The following PLD1 variants were observed in gnomAD, a reference collection of about 807,000 sequenced individuals.
PLD1 encodes the protein phospholipase D1.
Under a neutral mutation model 137.1 loss-of-function variants are expected in PLD1, and 112 were observed. That is an observed-to-expected ratio of 0.82 (90% confidence interval 0.70 to 0.96). The LOEUF is 0.96. Among genes scored for constraint, PLD1 ranks in the 40% least tolerant of loss-of-function variants. PLD1 has a pLI of 0.00. For synonymous variants in PLD1, 431 were observed against 454.7 expected, an observed-to-expected ratio of 0.95 and a Z score of 0.66; for missense variants, 1,321 against 1,342.0, an observed-to-expected ratio of 0.98 and a Z score of 0.24.
intron 23 of PLD1, among the ~76,000 whole-genome samples, chr3:171,640,627 C>T (rs1344854938): frequency 6.6e-6 from 1 of 152,226 alleles, no homozygotes; most frequent in Non-Finnish European, 1.5e-5. Flanking sequence ...CATGCTCAGG[C>T]ATGCAGTTTA....
At chr3:171,795,255 C>T (rs926978990) in intron 1 of PLD1, among the ~76,000 whole-genome samples, 2 of 152,204 alleles carry the variant, frequency 1.3e-5, no homozygotes, top group African/African-American at 4.8e-5. Context: ...ATGTGTCGCC[C>T]ATGGGAACCT....
chr3:171,786,585 A>G (rs890774866), intron 1 of PLD1, among the ~76,000 whole-genome samples: 1 of 152,214 alleles, frequency 6.6e-6, no homozygotes, highest in African/African-American at 2.4e-5. Flanking sequence ...TATTTTTATC[A>G]TAATTGAATA....
At chr3:171,662,420 C>A (rs137909537) in intron 19 of PLD1, among the ~76,000 whole-genome samples, 1 of 152,096 alleles carries the variant, frequency 6.6e-6, no homozygotes, top group Non-Finnish European at 1.5e-5. Context: ...CCTGAATATA[C>A]CCTCTTTCAT....
At chr3:171,613,508 C>T (rs1732852916) in intron 24 of PLD1, among the ~76,000 whole-genome samples, 1 of 152,152 alleles carries the variant, frequency 6.6e-6, no homozygotes, top group Non-Finnish European at 1.5e-5. Flanking sequence ...CTCAAGAGTA[C>T]CTTCATAATT....
At chr3:171,790,666 C>T (rs1354950401) in intron 1 of PLD1, among the ~76,000 whole-genome samples, 2 of 152,164 alleles carry the variant, frequency 1.3e-5, no homozygotes, top group Non-Finnish European at 2.9e-5. Flanking sequence ...AGCTGGCATG[C>T]TCCTCTTCCT....
chr3:171,709,662 C>G lies in PLD1; in HGVS notation c.959G>C (p.Gly320Ala). ...CTGGATGAATTCTTCTATAGCCCCT[C>G]CCCACCACCGAGCATGTCTATAGCT... ...CNSYRHARWW[G>A]GAIEEFIQKH... The change falls in exon 10 of 27, where the codon GGA (glycine) becomes GCA (alanine). Residue 320 changes from glycine to alanine, a missense_variant. Physicochemically the swap from Gly to Ala is moderately conservative, Grantham distance 60. Transcript: ENST00000351298. 1 of 1,613,976 alleles carries G rather than the reference C, an allele frequency of 6.2e-7. No homozygotes were observed. The highest frequency in any genetic ancestry group is 2.2e-5 in the East Asian group (1 of 44,866).
chr3:171,700,766 T>G (rs1339947785), intron 11 of PLD1, among the ~76,000 whole-genome samples: 1 of 152,180 alleles, frequency 6.6e-6, no homozygotes, highest in Non-Finnish European at 1.5e-5. Context: ...TTTCCTAGGC[T>G]CTTCTCCTTC....
At chr3:171,808,029 C>T (rs28882228) in intron 1 of PLD1, among the ~76,000 whole-genome samples, 1 of 152,088 alleles carries the variant, frequency 6.6e-6, no homozygotes, top group African/African-American at 2.4e-5. Context: ...ACATTGGGTA[C>T]TTATGGATAT....
At chr3:171,703,470 A>G (rs1050387805) in intron 11 of PLD1, among the ~76,000 whole-genome samples, 5 of 152,244 alleles carry the variant, frequency 3.3e-5, no homozygotes, top group African/African-American at 1.2e-4. Context: ...CAGCACTAAT[A>G]AATTAATTTA....
At chr3:171,657,068 G>T (rs959740516) in intron 21 of PLD1, among the ~76,000 whole-genome samples, 5 of 152,164 alleles carry the variant, frequency 3.3e-5, no homozygotes, top group African/African-American at 1.2e-4. Flanking sequence ...AAAGATTTAG[G>T]CTCAAAGCTG....
At chr3:171,761,724 A>C (rs981391830) in intron 1 of PLD1, among the ~76,000 whole-genome samples, 3 of 152,164 alleles carry the variant, frequency 2.0e-5, no homozygotes, top group African/African-American at 7.2e-5. Context: ...AATGACCAGC[A>C]CCTGGGCTCA....
At chr3:171,760,162 C>T (rs1042984124) in intron 1 of PLD1, among the ~76,000 whole-genome samples, 3 of 152,102 alleles carry the variant, frequency 2.0e-5, no homozygotes, top group Non-Finnish European at 2.9e-5. Flanking sequence ...TTTTACAGAT[C>T]TACACTTCCT....
chr3:171,603,375 ATTCC>A, intron 26 of PLD1, 73 bp from the exon 27 acceptor site: 1 of 995,602 alleles, frequency 1.0e-6, no homozygotes. Flanking sequence ...GAAAATAATT[ATTCC>A]AACAGACAAG....
At chr3:171,787,617 A>C (rs968780660) in intron 1 of PLD1, among the ~76,000 whole-genome samples, 4 of 152,202 alleles carry the variant, frequency 2.6e-5, no homozygotes, top group Non-Finnish European at 4.4e-5. Context: ...TACCCAGAAA[A>C]TAAAATTCAG....
chr3:171,744,713 G>C lies in PLD1; in HGVS notation c.-31-6631C>G, dbSNP rs181013758. On this transcript the variant is annotated intron_variant, in intron 1 of 26. Coordinates refer to ENST00000351298, the MANE Select transcript of PLD1 (RefSeq NM_002662.5). ...AAAAACACATCTATAATGACATAAAGCAAAATGGTTACATAGCTCTTAAAA... is the reference window on the plus strand; with the variant it reads ...AAAAACACATCTATAATGACATAAACCAAAATGGTTACATAGCTCTTAAAA... Among the ~76,000 whole-genome samples, 690 of 152,220 alleles carry C rather than the reference G, an allele frequency of 4.5e-3. 3 individuals carry two copies. The highest frequency in any genetic ancestry group is 6.6e-3 in the South Asian group (32 of 4,820).
intron 1 of PLD1, among the ~76,000 whole-genome samples, chr3:171,783,703 T>C (rs188325845): frequency 3.3e-5 from 5 of 152,256 alleles, no homozygotes; most frequent in Admixed American, 1.3e-4. Context: ...AGTACAGTAG[T>C]ACAATCACGG....
intron 21 of PLD1, among the ~76,000 whole-genome samples, chr3:171,648,086 T>C (rs1011139721): frequency 1.3e-5 from 2 of 152,190 alleles, no homozygotes; most frequent in Non-Finnish European, 2.9e-5. Flanking sequence ...TTCCATGGTA[T>C]GTACATATCA....
chr3:171,651,805 T>C (rs1049306078), intron 21 of PLD1, among the ~76,000 whole-genome samples: 2 of 152,174 alleles, frequency 1.3e-5, no homozygotes, highest in Non-Finnish European at 2.9e-5. Context: ...GTTCCCACTA[T>C]GGCCCAGACG....
intron 6 of PLD1, among the ~76,000 whole-genome samples, chr3:171,727,955 T>G (rs1718664264): frequency 6.6e-6 from 1 of 152,216 alleles, no homozygotes; most frequent in Admixed American, 6.5e-5. Context: ...CTTAAATATC[T>G]TTTTAAAATC....
Sources: allele counts gnomAD v4.1 joint callset (sites outside exome capture counted in the v4.1 genomes callset), GRCh38; gene constraint gnomAD v4.1.1; transcripts MANE v1.5; gene names NCBI Gene and HGNC (gene_info 2026-07-23, HGNC 2026-07-21).